The following MERTK variants were observed in gnomAD, a reference collection of about 807,000 sequenced individuals.
MERTK encodes tyrosine-protein kinase Mer.
Under a neutral mutation model 99.3 loss-of-function variants are expected in MERTK, and 69 were observed. That is an observed-to-expected ratio of 0.70 (90% CI 0.57 to 0.85). The LOEUF (loss-of-function observed/expected upper bound fraction) is 0.85, where lower values mean the gene tolerates loss of function less well. Among genes scored for constraint, MERTK ranks in the 40% least tolerant of loss-of-function variants. The pLI, the probability that MERTK is intolerant of heterozygous loss-of-function variation, is 0.00. For missense variants in MERTK, 1,125 were observed against 1,249.4 expected (o/e 0.90, Z 1.50); for synonymous variants, 426 against 467.6 (o/e 0.91, Z 1.15).
At chr2:111,951,663 C>T (rs1685061131) in intron 4 of MERTK, among the ~76,000 whole-genome samples, 2 of 150,884 alleles carry the variant, frequency 1.3e-5, no homozygotes, top group East Asian at 1.9e-4. Flanking sequence ...CTTTGAGATC[C>T]TCATACCATT....
intron 9 of MERTK, chr2:111,996,438 T>C (rs572972651): frequency 1.3e-5 from 2 of 154,336 alleles, no homozygotes; most frequent in East Asian, 3.9e-4. Flanking sequence ...GACATGTGGC[T>C]GTGTTGCCTC....
At chr2:111,913,111 A>T in intron 1 of MERTK, 1 of 978,890 alleles carries the variant, frequency 1.0e-6, no homozygotes, top group African/African-American at 1.7e-5. Flanking sequence ...TACCCAGTAG[A>T]AGATATTGAA....
At chr2:112,027,288 G>A (rs1422134333) in intron 18 of MERTK, among the ~76,000 whole-genome samples, 1 of 148,658 alleles carries the variant, frequency 6.7e-6, no homozygotes. Flanking sequence ...CCATATATGT[G>A]TGTGTATATG....
Position 112,028,584 on chromosome 2 carries a change from C to T in MERTK, c.2720C>T (p.Thr907Ile), listed in dbSNP as rs202205484. The change falls in exon 19 of 19, where the codon ACT becomes ATT. Residue 907 changes from threonine (T) to isoleucine (I), a missense_variant. Physicochemically the swap from Thr to Ile is moderately conservative, Grantham distance 89. Transcript: ENST00000295408. ...IDPDSIIASC[T>I]PRAAISVVTA... Reference sequence around the variant, plus strand: ...CCTGACTCTATAATTGCCTCCTGCACTCCCCGCGCTGCCATCAGTGTGGTC... The same window carrying T: ...CCTGACTCTATAATTGCCTCCTGCATTCCCCGCGCTGCCATCAGTGTGGTC... 5.0e-6 allele frequency: 8 copies of T among 1,614,226 alleles called. No homozygotes were observed. In the African/African-American group the frequency reaches 6.7e-5, roughly 13 times the overall value.
intron 10 of MERTK, among the ~76,000 whole-genome samples, chr2:111,997,813 A>C (rs1444969062): frequency 6.6e-6 from 1 of 152,226 alleles, no homozygotes; most frequent in Non-Finnish European, 1.5e-5. Flanking sequence ...GCACTTTGGG[A>C]GGCCAAGGCA....
intron 4 of MERTK, among the ~76,000 whole-genome samples, chr2:111,960,497 A>G (rs546094403): frequency 0.057 from 8,350 of 147,658 alleles, 291 homozygotes; most frequent in African/African-American, 0.093. Context: ...AAAAAAAAAA[A>G]AAAAGAAAAG....
intron 2 of MERTK, among the ~76,000 whole-genome samples, chr2:111,932,182 G>C (rs751512396): frequency 3.3e-5 from 5 of 152,104 alleles, no homozygotes; most frequent in Admixed American, 1.3e-4. Flanking sequence ...TTTTGCAAAT[G>C]ATGAGCATTT....
chr2:111,961,475 GA>G (rs1479592790), intron 4 of MERTK, among the ~76,000 whole-genome samples: 1 of 152,072 alleles, frequency 6.6e-6, no homozygotes, highest in Non-Finnish European at 1.5e-5. Flanking sequence ...ATTTTCAAGA[GA>G]ATTTAATTAA....
chr2:111,919,166 T>C (rs1008997547), intron 1 of MERTK, among the ~76,000 whole-genome samples: 3 of 152,086 alleles, frequency 2.0e-5, no homozygotes, highest in Non-Finnish European at 4.4e-5. Context: ...CCTCCTCATC[T>C]CCTAAAGCAC....
rs1238200071 is a variant in MERTK at position 112,001,258 on chromosome 2, C to T, written c.1662C>T (p.Ser554=). 1.2e-6 allele frequency: 2 copies of T among 1,613,732 alleles called. No individual in the cohort carries two copies. Among genetic ancestry groups the T allele is most frequent in the Non-Finnish European group, 1.7e-6 (2 of 1,179,778 alleles). The part of the protein sequence containing the change: ...ELVVNYIAKK[S]FCRRAIELTL... ...TGGTGAATTATATAGCAAAGAAATC[C>T]TTCTGTCGGCGAGCCATTGAACTTA... is the stretch of plus-strand genomic sequence containing the variant. The change falls in exon 11 of 19, where the codon TCC becomes TCT. Residue 554 remains serine, a synonymous_variant. Transcript: ENST00000295408.
chr2:111,898,846 GGAA>G, intron 1 of MERTK, 50 bp downstream of exon 1: 1 of 1,538,694 alleles, frequency 6.5e-7, no homozygotes, highest in Non-Finnish European at 8.8e-7. Flanking sequence ...GCTCCCAGGA[GGAA>G]GCAGGGGCCT....
At chr2:111,976,464 T>A (rs370142053) in intron 7 of MERTK, among the ~76,000 whole-genome samples, 5 of 151,092 alleles carry the variant, frequency 3.3e-5, no homozygotes, top group African/African-American at 9.7e-5. Flanking sequence ...CCCAACATCA[T>A]AGCAAAAGAT....
chr2:112,025,997 C>G (rs903886265), intron 18 of MERTK, among the ~76,000 whole-genome samples: 4 of 152,326 alleles, frequency 2.6e-5, no homozygotes, highest in Admixed American at 6.5e-5. Flanking sequence ...ATGATCACAT[C>G]TTTTATAAAA....
intron 18 of MERTK, chr2:112,028,106 A>G: frequency 1.8e-6 from 1 of 556,404 alleles, no homozygotes; most frequent in Non-Finnish European, 3.2e-6. Flanking sequence ...CTTATCTGCA[A>G]AGTTAGATAT....
At chr2:111,931,186 A>G (rs554973303) in intron 2 of MERTK, among the ~76,000 whole-genome samples, 41 of 152,204 alleles carry the variant, frequency 2.7e-4, no homozygotes, top group Non-Finnish European at 5.1e-4. Context: ...CAACACTTCC[A>G]CAAGATGTGC....
chr2:111,970,331 A>G (rs547436408), intron 6 of MERTK, among the ~76,000 whole-genome samples: 1 of 151,130 alleles, frequency 6.6e-6, no homozygotes, highest in African/African-American at 2.4e-5. Context: ...TAATTTTTGT[A>G]TATTTACTAG....
chr2:111,990,243 C>A (rs1676589564), intron 8 of MERTK, among the ~76,000 whole-genome samples: 1 of 152,168 alleles, frequency 6.6e-6, no homozygotes, highest in Non-Finnish European at 1.5e-5. Flanking sequence ...CATTTTAAAA[C>A]TATATTTAAG....
chr2:111,940,851 C>T lies in MERTK; in HGVS notation c.483-4109C>T, dbSNP rs1040768800. 7.0e-6 allele frequency: 6 copies of T among 855,686 alleles called. No individual in the cohort carries two copies. The African/African-American group carries it at 8.1e-5, about 12-fold the overall frequency. 53.0% of individuals were successfully genotyped at this position (855,686 alleles called of 1,614,324 possible). ...AACGACAGTTAACATCTCTGAGATACTTTTGAAAGAACTCGGGCCAGTCAC... is the reference window on the plus strand; with the variant it reads ...AACGACAGTTAACATCTCTGAGATATTTTTGAAAGAACTCGGGCCAGTCAC... On this transcript the variant is annotated intron_variant, in intron 2 of 18. Coordinates refer to ENST00000295408, the MANE Select transcript of MERTK (RefSeq NM_006343.3).
At chr2:112,004,401 T>C (rs140245493) in intron 13 of MERTK, among the ~76,000 whole-genome samples, 124 of 152,192 alleles carry the variant, frequency 8.1e-4, no homozygotes, top group Non-Finnish European at 1.5e-3. Context: ...CACTTCCTCA[T>C]TTGAGGATGA....
Sources: allele counts gnomAD v4.1 joint callset (sites outside exome capture counted in the v4.1 genomes callset), GRCh38; gene constraint gnomAD v4.1.1; transcripts MANE v1.5; gene names NCBI Gene and HGNC (gene_info 2026-07-23, HGNC 2026-07-21).